NAA35: variants seen among roughly 807,000 people sequenced by gnomAD.
The protein encoded by NAA35 is N-alpha-acetyltransferase 35, NatC auxiliary subunit.
NAA35 carries 18 observed loss-of-function variants against 101.7 expected under a neutral mutation model. The observed-to-expected ratio is 0.18, with a 90% CI of 0.12 to 0.26. NAA35 has a LOEUF of 0.26. NAA35 is among the 10% of genes least tolerant of loss of function. The pLI is 1.00. For synonymous variants in NAA35, 267 were observed against 273.1 expected, an observed-to-expected ratio of 0.98 and a Z score of 0.22; for missense variants, 601 against 886.8, an observed-to-expected ratio of 0.68 and a Z score of 4.09.
rs1564325200 is a variant in NAA35 at position 86,011,535 on chromosome 9, A to AT, written c.1291-1505dup. Among the ~76,000 whole-genome samples, 3 of 150,342 alleles carry AT rather than the reference A, an allele frequency of 2.0e-5. No individual in the cohort carries two copies. In the East Asian group the frequency reaches 5.9e-4, roughly 30 times the overall value. On this transcript the variant is annotated intron_variant, in intron 15 of 22. Coordinates refer to ENST00000361671, the MANE Select transcript of NAA35 (RefSeq NM_024635.4). ...CACCACACCTGGTTAATTTTTTTGT[A>AT]TTTTTTGTGGAGACAGGTTCACCCT...
chr9:85,995,790 G>T (rs933927320), intron 11 of NAA35, among the ~76,000 whole-genome samples: 3 of 152,148 alleles, frequency 2.0e-5, no homozygotes, highest in African/African-American at 4.8e-5. Flanking sequence ...AGTGTGAAAA[G>T]TGAGATCACC....
At position 86,021,825 on chromosome 9, in the gene NAA35, A is replaced by G; in HGVS notation, c.2119-76A>G. 4 of 1,221,156 alleles carry G rather than the reference A, an allele frequency of 3.3e-6. No individual in the cohort carries two copies. The South Asian group carries it at 5.5e-5, about 17-fold the overall frequency. 75.6% of individuals were successfully genotyped at this position (1,221,156 alleles called of 1,614,324 possible). ...TTCTAAGAACACAAGAAACTCTAAA[A>G]TAAAAATAGTCTTTGTTTTGTGTAC... On this transcript the variant is annotated intron_variant, in intron 22 of 22. Transcript: ENST00000361671.
chr9:85,995,485 A>C (rs1291130089), intron 11 of NAA35, among the ~76,000 whole-genome samples: 1 of 152,068 alleles, frequency 6.6e-6, no homozygotes, highest in African/African-American at 2.4e-5. Flanking sequence ...AAAGACCAAG[A>C]ACCTTGAGAA....
chr9:86,017,475 T>A (rs1397748318), intron 18 of NAA35, 23 bp from the exon 19 acceptor site: 1 of 1,609,790 alleles, frequency 6.2e-7, no homozygotes, highest in East Asian at 2.2e-5. Context: ...TATGGAAGAT[T>A]ACGTTTTTCT....
At chr9:85,976,575 C>A (rs1486233317) in intron 8 of NAA35, 110 bp from the exon 9 acceptor site, 1 of 715,800 alleles carries the variant, frequency 1.4e-6, no homozygotes, top group African/African-American at 1.9e-5. Context: ...AACTATTTTC[C>A]CCAAAAACAG....
intron 11 of NAA35, 142 bp from the exon 12 acceptor site, chr9:85,996,256 AT>A (rs1831152123): frequency 5.4e-6 from 3 of 551,902 alleles, no homozygotes; most frequent in African/African-American, 3.9e-5. Flanking sequence ...TATATTCTAA[AT>A]TATAAAATCT....
intron 6 of NAA35, among the ~76,000 whole-genome samples, chr9:85,974,026 T>G (rs1476169807): frequency 6.6e-6 from 1 of 152,078 alleles, no homozygotes; most frequent in Non-Finnish European, 1.5e-5. Flanking sequence ...GCTCGATCTC[T>G]GCTCACTGCA....
chr9:85,977,368 A>G lies in NAA35; in HGVS notation c.684A>G (p.Gln228=), dbSNP rs1233791455. The part of the protein sequence containing the change: ...ERDPEVELEH[Q]QCLAVFSRVK... Reference sequence around the variant, plus strand: ...GTCCTTTCTTGTTTTTTTAGCACCAACAATGTTTAGCAGTATTCAGCAGAG... The same window carrying G: ...GTCCTTTCTTGTTTTTTTAGCACCAGCAATGTTTAGCAGTATTCAGCAGAG... Residue 228 remains glutamine (Q), a synonymous_variant, in exon 10 of 23, where the codon CAA becomes CAG. Transcript: ENST00000361671. The G allele has an allele frequency of 6.2e-7, 1 of 1,610,986 alleles. No individual in the cohort carries two copies. The highest frequency in any genetic ancestry group is 1.7e-5 in the Admixed American group (1 of 59,918).
At chr9:85,959,890 T>C in intron 5 of NAA35, 23 bp downstream of exon 5, 1 of 1,554,696 alleles carries the variant, frequency 6.4e-7, no homozygotes, top group Non-Finnish European at 8.8e-7. Flanking sequence ...ATAAGACTAT[T>C]GGTTAATTTT....
intron 6 of NAA35, among the ~76,000 whole-genome samples, chr9:85,969,300 T>G (rs1829897720): frequency 6.7e-6 from 1 of 149,090 alleles, no homozygotes; most frequent in Non-Finnish European, 1.5e-5. Context: ...GTCTTCCCTA[T>G]CCTCACACTT....
At chr9:86,002,695 T>C (rs1189548919) in intron 12 of NAA35, among the ~76,000 whole-genome samples, 1 of 152,216 alleles carries the variant, frequency 6.6e-6, no homozygotes, top group African/African-American at 2.4e-5. Flanking sequence ...ATTATTCAGC[T>C]CTGTCAGACC....
intron 11 of NAA35, among the ~76,000 whole-genome samples, chr9:85,981,206 C>T (rs1408695112): frequency 6.6e-6 from 1 of 151,986 alleles, no homozygotes; most frequent in Non-Finnish European, 1.5e-5. Context: ...CATTCTGTAC[C>T]ATAGGACATA....
At chr9:86,004,055 G>A (rs1831525454) in intron 13 of NAA35, among the ~76,000 whole-genome samples, 1 of 152,086 alleles carries the variant, frequency 6.6e-6, no homozygotes, top group South Asian at 2.1e-4. Flanking sequence ...CCAAATCTGT[G>A]AGATACAAAT....
rs1055811530 is a variant in NAA35, at chr9:85,955,529, A to AT, written c.125-824dup. On this transcript the variant is annotated intron_variant, in intron 2 of 22. Transcript: ENST00000361671. ...AGGTGCCCACCACCACACCTGGCTAATTTTTTTGTATTTTTAGTAGAGATG... is the reference window on the plus strand; with the variant it reads ...AGGTGCCCACCACCACACCTGGCTAATTTTTTTTGTATTTTTAGTAGAGATG... Among the ~76,000 whole-genome samples, 242 of 149,092 alleles carry AT rather than the reference A, an allele frequency of 1.6e-3. 1 individual carries two copies. Among genetic ancestry groups the AT allele is most frequent in the African/African-American group, 3.7e-3 (151 of 40,526 alleles).
intron 2 of NAA35, among the ~76,000 whole-genome samples, chr9:85,949,212 T>C (rs112550593): frequency 6.0e-4 from 92 of 152,312 alleles, no homozygotes; most frequent in African/African-American, 2.2e-3. Context: ...TTATGGAATG[T>C]CTGTTATTTG....
intron 2 of NAA35, among the ~76,000 whole-genome samples, chr9:85,946,013 A>G (rs573445216): frequency 1.3e-5 from 2 of 151,642 alleles, no homozygotes; most frequent in East Asian, 3.9e-4. Context: ...TGAGGCTCTA[A>G]TTTTTTTCTT....
intron 2 of NAA35, among the ~76,000 whole-genome samples, chr9:85,949,777 A>C (rs1828931220): frequency 6.6e-6 from 1 of 151,824 alleles, no homozygotes; most frequent in Non-Finnish European, 1.5e-5. Flanking sequence ...TATTGAGCCT[A>C]CTTAAGGCTT....
intron 6 of NAA35, among the ~76,000 whole-genome samples, chr9:85,969,401 G>A (rs892121413): frequency 3.7e-4 from 56 of 151,824 alleles, no homozygotes; most frequent in African/African-American, 1.3e-3. Flanking sequence ...CTGTTATATA[G>A]ATGGACCTTC....
At chr9:85,991,865 A>G (rs921622547) in intron 11 of NAA35, among the ~76,000 whole-genome samples, 3 of 152,130 alleles carry the variant, frequency 2.0e-5, no homozygotes, top group African/African-American at 7.2e-5. Flanking sequence ...CCCAAATATC[A>G]TAAGTGTCCT....
Sources: allele counts gnomAD v4.1 joint callset (sites outside exome capture counted in the v4.1 genomes callset), GRCh38; gene constraint gnomAD v4.1.1; transcripts MANE v1.5; gene names NCBI Gene and HGNC (gene_info 2026-07-23, HGNC 2026-07-21).